SCOC: variants seen among roughly 807,000 people sequenced by gnomAD.
SCOC encodes the protein short coiled-coil protein.
A neutral mutation model predicts 9.9 loss-of-function variants in SCOC; 7 were observed. The observed-to-expected ratio is 0.71, with a 90% CI of 0.40 to 1.33. The LOEUF (loss-of-function observed/expected upper bound fraction) is 1.33, where lower values mean the gene tolerates loss of function less well. Among genes scored for constraint, SCOC ranks in the 40% most tolerant of loss-of-function variants. The pLI, the probability that SCOC is intolerant of heterozygous loss-of-function variation, is 0.01. For synonymous variants in SCOC, 19 were observed against 28.2 expected (o/e 0.67, Z 1.03); for missense variants, 66 against 89.7 (o/e 0.74, Z 1.07).
chr4:140,356,924 G>A (rs777677312), intron 2 of SCOC, among the ~76,000 whole-genome samples: 2 of 152,102 alleles, frequency 1.3e-5, no homozygotes, highest in African/African-American at 4.8e-5. Flanking sequence ...CCTTAGAGAA[G>A]GATAAAAGGA....
chr4:140,377,289 A>G (rs1049553336), intron 1 of SCOC, among the ~76,000 whole-genome samples: 1 of 152,230 alleles, frequency 6.6e-6, no homozygotes, highest in African/African-American at 2.4e-5. Flanking sequence ...ATGGAGAGGA[A>G]TAGTTTTTGG....
At chr4:140,314,866 C>T (rs4956333) in intron 1 of SCOC, among the ~76,000 whole-genome samples, 37,798 of 151,890 alleles carry the variant, frequency 0.25, 5,139 homozygotes, top group East Asian at 0.52. Context: ...TCCACCCCCC[C>T]ACCAAGTTCT....
chr4:140,379,944 CTTATT>C (rs1290033400), intron 3 of SCOC, among the ~76,000 whole-genome samples: 1 of 152,006 alleles, frequency 6.6e-6, no homozygotes, highest in African/African-American at 2.4e-5. Flanking sequence ...TTTAATAAAG[CTTATT>C]TTAAAGTAAA....
chr4:140,274,285 T>C (rs1453941509), intron 1 of SCOC, among the ~76,000 whole-genome samples: 7 of 152,214 alleles, frequency 4.6e-5, no homozygotes, highest in African/African-American at 1.4e-4. Context: ...GTCTACAATA[T>C]GGAATGATAT....
At chr4:140,377,115 T>C (rs1322229920) in intron 1 of SCOC, among the ~76,000 whole-genome samples, 4 of 152,206 alleles carry the variant, frequency 2.6e-5, no homozygotes, top group African/African-American at 9.6e-5. Flanking sequence ...GCCTCTCTCA[T>C]CTTACTCAGA....
At chr4:140,306,187 A>T (rs191515660) in intron 1 of SCOC, among the ~76,000 whole-genome samples, 16 of 152,292 alleles carry the variant, frequency 1.1e-4, no homozygotes, top group African/African-American at 3.6e-4. Flanking sequence ...CACGTCTTTC[A>T]TGGTGGCAGG....
chr4:140,338,417 C>T (rs1339166639), intron 1 of SCOC, among the ~76,000 whole-genome samples: 1 of 152,188 alleles, frequency 6.6e-6, no homozygotes, highest in Admixed American at 6.5e-5. Flanking sequence ...GTCACCATTG[C>T]TATTCAACAT....
At chr4:140,280,316 A>C (rs559018817) in intron 1 of SCOC, among the ~76,000 whole-genome samples, 1 of 152,098 alleles carries the variant, frequency 6.6e-6, no homozygotes, top group Non-Finnish European at 1.5e-5. Context: ...TTTTGTAGAG[A>C]CAGGGTTTTG....
intron 1 of SCOC, chr4:140,284,735 G>C (rs1731180776): frequency 1.5e-5 from 2 of 133,474 alleles, no homozygotes; most frequent in African/African-American, 5.9e-5. Context: ...AGAAGAAAGA[G>C]CCAGTGAATC....
chr4:140,373,788 G>A (rs1728184018), intron 1 of SCOC, 71 bp downstream of exon 1: 10 of 1,450,090 alleles, frequency 6.9e-6, no homozygotes, highest in African/African-American at 2.8e-5. Context: ...TACCTCCGAG[G>A]GCCTGGAGGG....
intron 1 of SCOC, chr4:140,373,963 C>A: frequency 1.5e-6 from 1 of 671,962 alleles, no homozygotes. Flanking sequence ...GGAGAGGGAC[C>A]TCTCGCGGTC....
chr4:140,365,158 A>G (rs1482110801), intron 2 of SCOC, among the ~76,000 whole-genome samples: 2 of 139,690 alleles, frequency 1.4e-5, no homozygotes, highest in African/African-American at 5.5e-5. Context: ...AAATCATGAA[A>G]GATATGGATA....
rs1274595304 is a variant in SCOC at position 140,384,909 on chromosome 4, G to A, written c.*3805G>A. On this transcript the variant is annotated 3_prime_UTR_variant, in exon 4 of 4. Coordinates refer to ENST00000608372, the MANE Select transcript of SCOC (RefSeq NM_001153484.2). The stretch of plus-strand genomic sequence containing the variant: ...GTGAAACCCTCATGAATGGGATTGT[G>A]TCATTAAAAGAAACCCCAGAGAGCT... 2 of 152,162 alleles carry A rather than the reference G, an allele frequency of 1.3e-5. No homozygotes were observed. The highest frequency in any genetic ancestry group is 4.8e-5 in the African/African-American group (2 of 41,430). 9.4% of individuals were successfully genotyped at this position (152,162 alleles called of 1,614,324 possible).
chr4:140,381,066 G>GT lies in SCOC; in HGVS notation c.216dup (p.Gln73SerfsTer4). 1 of 1,600,704 alleles carries GT rather than the reference G, an allele frequency of 6.2e-7. No homozygotes were observed. The highest frequency in any genetic ancestry group is 8.5e-7 in the Non-Finnish European group (1 of 1,176,752). On this transcript the variant is annotated frameshift_variant, in exon 4 of 4. Transcript: ENST00000608372. LOFTEE classifies it high-confidence loss of function. ...AGAAAATCTCATGTCAGCTTCTAGT[G>GT]TTTTTCAAACAACTGACACAAAAAG...
intron 1 of SCOC, among the ~76,000 whole-genome samples, chr4:140,309,727 A>C (rs1318763445): frequency 6.6e-6 from 1 of 152,208 alleles, no homozygotes; most frequent in African/African-American, 2.4e-5. Flanking sequence ...TAATATATTG[A>C]AGCTTTCCTT....
intron 2 of SCOC, among the ~76,000 whole-genome samples, chr4:140,361,836 A>C (rs1192758374): frequency 6.6e-6 from 1 of 152,114 alleles, no homozygotes; most frequent in Non-Finnish European, 1.5e-5. Flanking sequence ...TTTCTCCCAA[A>C]ATGAAAGCTA....
chr4:140,385,473 G>T lies in SCOC; in HGVS notation c.*4369G>T, dbSNP rs1409130606. The T allele has an allele frequency of 6.6e-6, 1 of 152,066 alleles. No individual in the cohort carries two copies. The highest frequency in any genetic ancestry group is 2.4e-5 in the African/African-American group (1 of 41,414). The allele number at this position is 152,066 out of a possible 1,614,324, so 9.4% of individuals were successfully genotyped here. A position where few individuals can be genotyped will look rare whatever the true frequency, so the allele number is the denominator to read the frequency against. On this transcript the variant is annotated 3_prime_UTR_variant, in exon 4 of 4. Transcript: ENST00000608372. ...AATCTTTAACTTTTCAGAGATTTTT[G>T]GTCATGGAATTGTAGCAACAAAACC...
chr4:140,370,150 T>C (rs1578874347), upstream of SCOC, among the ~76,000 whole-genome samples: 1 of 152,186 alleles, frequency 6.6e-6, no homozygotes. Flanking sequence ...CATAGTTTGA[T>C]TTCCAACTAT....
rs777581770 is a variant in SCOC, at chr4:140,287,318, CAT to C, written c.-19+29909_-19+29910del. The stretch of plus-strand genomic sequence containing the variant: ...GCACACATAGATACCATACACCACA[CAT>C]GTTTACACACATACTAAACACACAT... On this transcript the variant is annotated intron_variant, in intron 1 of 4. Transcript: ENST00000394205. 1.3e-3 allele frequency among the ~76,000 whole-genome samples: 204 copies of C among 151,804 alleles called. 1 individual carries two copies. The highest frequency in any genetic ancestry group is 3.4e-3 in the Middle Eastern group (1 of 292).
Sources: gnomAD v4.1 joint callset for allele counts (sites outside exome capture counted in the v4.1 genomes callset) on GRCh38, gnomAD v4.1.1 for gene constraint, MANE v1.5 for transcripts, NCBI Gene and HGNC (gene_info 2026-07-23, HGNC 2026-07-21) for gene names.